POLR3A: variants seen among roughly 807,000 people sequenced by gnomAD.
POLR3A encodes DNA-directed RNA polymerase III subunit RPC1.
In POLR3A, 112 loss-of-function variants were observed where a neutral mutation model predicts 152.8. The observed-to-expected ratio is 0.73, with a 90% confidence interval of 0.63 to 0.86. POLR3A has a LOEUF of 0.86. Ranked by LOEUF, POLR3A falls within the 40% of genes least tolerant of loss-of-function variation. The pLI, the probability that POLR3A is intolerant of heterozygous loss-of-function variation, is 0.00. For synonymous variants in POLR3A, 615 were observed against 652.1 expected, an observed-to-expected ratio of 0.94 and a Z score of 0.87; for missense variants, 1,385 against 1,743.1, an observed-to-expected ratio of 0.79 and a Z score of 3.66.
rs1382987371 is a variant in POLR3A, at chr10:78,017,565, T to C, written c.1431+10A>G. 1 of 1,614,000 alleles carries C rather than the reference T, an allele frequency of 6.2e-7. No individual in the cohort carries two copies. Among genetic ancestry groups the C allele is most frequent in the East Asian group, 2.2e-5 (1 of 44,888 alleles). On this transcript the variant is annotated intron_variant, in intron 10 of 30. Transcript: ENST00000372371. ...ACGTGATGGAAAATTTAAAAAGCAGTGCTACTCACCAGATGAGCCATAATG... is the reference window on the plus strand; with the variant it reads ...ACGTGATGGAAAATTTAAAAAGCAGCGCTACTCACCAGATGAGCCATAATG...
chr10:78,026,361 T>A, intron 1 of POLR3A, 132 bp from the exon 2 acceptor site: 1 of 848,960 alleles, frequency 1.2e-6, no homozygotes, highest in Non-Finnish European at 1.9e-6. Flanking sequence ...GTATTAAATA[T>A]ATTTAACCCT....
Position 77,999,264 on chromosome 10 carries a change from G to A in POLR3A, c.2616+717C>T, listed in dbSNP as rs900706956. ...GTATACATATGTAACAAACCTGCAC[G>A]TTGTGCACATGTACCCTAAACTTAA... On this transcript the variant is annotated intron_variant, in intron 19 of 30. Coordinates refer to ENST00000372371, the MANE Select transcript of POLR3A (RefSeq NM_007055.4). Among the ~76,000 whole-genome samples the A allele has an allele frequency of 5.3e-5, 8 of 152,186 alleles. No individual in the cohort carries two copies. The East Asian group carries it at 7.7e-4, about 15-fold the overall frequency.
intron 8 of POLR3A, 21 bp from the exon 9 acceptor site, chr10:78,019,286 A>G (rs1437750171): frequency 1.4e-6 from 2 of 1,467,042 alleles, no homozygotes; most frequent in South Asian, 2.3e-5. Context: ...AAAAAACCAC[A>G]ATAAGTTACT....
intron 3 of POLR3A, 30 bp downstream of exon 3, chr10:78,025,592 T>C (rs907223955): frequency 1.9e-6 from 3 of 1,612,876 alleles, no homozygotes; most frequent in African/African-American, 2.7e-5. Context: ...CCAGAATTTA[T>C]GTCTTGGAAA....
At chr10:77,992,292 G>C (rs1222128082) in intron 20 of POLR3A, among the ~76,000 whole-genome samples, 4 of 145,376 alleles carry the variant, frequency 2.8e-5, no homozygotes, top group Non-Finnish European at 6.0e-5. Flanking sequence ...TTTTTTTTAA[G>C]ACAGGGTCTT....
chr10:78,015,801 T>A (rs1460318840), intron 10 of POLR3A, among the ~76,000 whole-genome samples: 1 of 152,132 alleles, frequency 6.6e-6, no homozygotes, highest in Non-Finnish European at 1.5e-5. Flanking sequence ...GGGCTATAGG[T>A]GTGTGCCATT....
rs749695809 is a variant in POLR3A, at chr10:78,007,766, G to A, written c.2010C>T (p.Asp670=). ...KNNIFYILLR[D]WGQNEAADAM... ...CATCTGCAGCTTCATTCTGTCCCCAGTCTCGCAGCAAAATGTAAAAAATAT... is the reference window on the plus strand; with the variant it reads ...CATCTGCAGCTTCATTCTGTCCCCAATCTCGCAGCAAAATGTAAAAAATAT... The change falls in exon 15 of 31, where the codon GAC becomes GAT. Residue 670 remains aspartate (D), a synonymous_variant. Coordinates refer to ENST00000372371, the MANE Select transcript of POLR3A (RefSeq NM_007055.4). The A allele has an allele frequency of 1.2e-6, 2 of 1,614,056 alleles. No individual in the cohort carries two copies. The highest frequency in any genetic ancestry group is 2.2e-5 in the South Asian group (2 of 91,078).
chr10:78,006,814 T>C (rs1847416310), intron 15 of POLR3A, among the ~76,000 whole-genome samples: 1 of 152,130 alleles, frequency 6.6e-6, no homozygotes, highest in South Asian at 2.1e-4. Context: ...TGAAAGTTTC[T>C]AAAATGAAAA....
chr10:78,004,613 C>T, intron 16 of POLR3A, 103 bp downstream of exon 16: 1 of 938,634 alleles, frequency 1.1e-6, no homozygotes, highest in Non-Finnish European at 1.7e-6. Context: ...GACTTGCCCA[C>T]TCCTTTGCTA....
chr10:78,021,443 T>C, intron 8 of POLR3A, 103 bp downstream of exon 8: 1 of 1,124,696 alleles, frequency 8.9e-7, no homozygotes. Flanking sequence ...GTGGGTTGAG[T>C]GGGTTACTGG....
chr10:77,983,790 A>C, intron 26 of POLR3A, 130 bp downstream of exon 26: 1 of 714,088 alleles, frequency 1.4e-6, no homozygotes, highest in Non-Finnish European at 2.6e-6. Context: ...ACAGAATCAC[A>C]AAAACCAGAA....
intron 20 of POLR3A, 126 bp from the exon 21 acceptor site, chr10:77,991,293 T>G: frequency 4.3e-6 from 3 of 698,730 alleles, no homozygotes; most frequent in Non-Finnish European, 7.9e-6. Context: ...CTGTGATTTT[T>G]CTTTCAAAAC....
In POLR3A at chr10:77,993,435, T is replaced by G. The variant is rs1331384891; in HGVS notation, c.2617-68A>C. 4 of 1,216,240 alleles carry G rather than the reference T, an allele frequency of 3.3e-6. No homozygotes were observed. In the African/African-American group the frequency reaches 4.5e-5, roughly 14 times the overall value. 75.3% of individuals were successfully genotyped at this position (1,216,240 alleles called of 1,614,324 possible). A position where few individuals can be genotyped will look rare whatever the true frequency, so the allele number is the denominator to read the frequency against. On this transcript the variant is annotated intron_variant, in intron 19 of 30. Coordinates refer to ENST00000372371, the MANE Select transcript of POLR3A (RefSeq NM_007055.4). ...TAGTCACATGGGGAGAGGATAAGATTTGCAACTCAAGAGTCTCAAGGTTAC... is the reference window on the plus strand; with the variant it reads ...TAGTCACATGGGGAGAGGATAAGATGTGCAACTCAAGAGTCTCAAGGTTAC...
chr10:77,984,492 C>T (rs559823661), intron 24 of POLR3A, among the ~76,000 whole-genome samples, 194 bp from the exon 25 acceptor site: 11 of 152,236 alleles, frequency 7.2e-5, no homozygotes, highest in Non-Finnish European at 1.3e-4. Context: ...TACAGGCGCT[C>T]GCCACCACGC....
chr10:77,979,484 G>A (rs1847119425), intron 30 of POLR3A, among the ~76,000 whole-genome samples: 1 of 152,242 alleles, frequency 6.6e-6, no homozygotes, highest in Non-Finnish European at 1.5e-5. Context: ...AGGCAGGGAA[G>A]CCAGACACTG....
intron 3 of POLR3A, 23 bp from the exon 4 acceptor site, chr10:78,025,165 G>C (rs1422001129): frequency 6.2e-7 from 1 of 1,613,166 alleles, no homozygotes; most frequent in Non-Finnish European, 8.5e-7. Context: ...AAGCAAGACA[G>C]ATAAAAGCAT....
intron 19 of POLR3A, among the ~76,000 whole-genome samples, chr10:77,993,640 G>C (rs1847270515): frequency 6.6e-6 from 1 of 152,120 alleles, no homozygotes; most frequent in Non-Finnish European, 1.5e-5. Flanking sequence ...CACCCACAAA[G>C]GACTCTGCAA....
At position 78,022,348 on chromosome 10, in the gene POLR3A, T is replaced by G; in HGVS notation, c.682A>C (p.Lys228Gln). Residue 228 changes from lysine to glutamine, a missense_variant, in exon 6 of 31, where the codon AAA (lysine) becomes CAA (glutamine). Physicochemically the swap from Lys to Gln is moderately conservative, Grantham distance 53 (BLOSUM62 1). Transcript: ENST00000372371. ...LNPLVVLNLF[K>Q]RIPAEDVPLL... ...GGAACATCTTCAGCTGGGATTCGTT[T>G]AAATAAATTCAGAACTACTAAGGGA... 6.2e-7 allele frequency: 1 copy of G among 1,614,040 alleles called. No individual in the cohort carries two copies. Among genetic ancestry groups the G allele is most frequent in the Non-Finnish European group, 8.5e-7 (1 of 1,179,950 alleles).
At chr10:78,015,236 G>A (rs1436226453) in intron 10 of POLR3A, among the ~76,000 whole-genome samples, 1 of 152,218 alleles carries the variant, frequency 6.6e-6, no homozygotes, top group Non-Finnish European at 1.5e-5. Flanking sequence ...GATAAAACAA[G>A]TGTGGCTAAA....
Sources: allele counts gnomAD v4.1 joint callset (sites outside exome capture counted in the v4.1 genomes callset), GRCh38; gene constraint gnomAD v4.1.1; transcripts MANE v1.5; gene names NCBI Gene and HGNC (gene_info 2026-07-23, HGNC 2026-07-21).